Variants in ACER3 observed in about 807,000 individuals in gnomAD.
ACER3 encodes alkaline ceramidase 3.
Under a neutral mutation model 48.9 loss-of-function variants are expected in ACER3, and 16 were observed. The ratio of observed to expected loss-of-function variants is 0.33; its 90% CI spans 0.22 to 0.50. The LOEUF (loss-of-function observed/expected upper bound fraction) is 0.50, where lower values mean the gene tolerates loss of function less well. Among genes scored for constraint, ACER3 ranks in the 20% least tolerant of loss-of-function variants. The pLI is 0.98. For synonymous variants in ACER3, 109 were observed against 107.8 expected (o/e 1.01, Z -0.07); for missense variants, 227 against 326.0 (o/e 0.70, Z 2.34).
rs376143519 is a variant in ACER3, at chr11:76,985,639, C to G, written c.321-4C>G. The G allele has an allele frequency of 3.5e-4, 543 of 1,548,128 alleles. 3 individuals are homozygous for G. In the South Asian group the frequency reaches 5.7e-3, roughly 16 times the overall value. On this transcript the variant is annotated splice_polypyrimidine_tract_variant and splice_region_variant and intron_variant, in intron 4 of 10. Transcript: ENST00000532485. ...TAAAAGTTTCTTTCTCTCTTTTTTTCAAGGTTTGAATGTTTCAAGATCAAG... is the reference window on the plus strand; with the variant it reads ...TAAAAGTTTCTTTCTCTCTTTTTTTGAAGGTTTGAATGTTTCAAGATCAAG...
intron 7 of ACER3, among the ~76,000 whole-genome samples, chr11:77,009,210 C>T (rs1489130031): frequency 2.6e-5 from 4 of 152,220 alleles, no homozygotes; most frequent in South Asian, 2.1e-4. Flanking sequence ...ATCTGCTTGG[C>T]TTCTGGGGAG....
At chr11:76,984,805 C>T (rs1209310879) in intron 4 of ACER3, among the ~76,000 whole-genome samples, 4 of 152,140 alleles carry the variant, frequency 2.6e-5, no homozygotes, top group Non-Finnish European at 5.9e-5. Flanking sequence ...TTCAAGCTAG[C>T]TTGAATTAGG....
chr11:76,987,948 C>CA (rs974894877), intron 5 of ACER3, among the ~76,000 whole-genome samples: 5 of 152,062 alleles, frequency 3.3e-5, no homozygotes, highest in Admixed American at 2.6e-4. Context: ...TCAAAACAAA[C>CA]AAAGACTAAA....
At chr11:76,995,418 C>T (rs1184082671) in intron 6 of ACER3, among the ~76,000 whole-genome samples, 1 of 152,192 alleles carries the variant, frequency 6.6e-6, no homozygotes, top group Non-Finnish European at 1.5e-5. Flanking sequence ...CCATCCTTCT[C>T]TGTGTTATCC....
chr11:76,898,409 A>G (rs1945989464), intron 1 of ACER3, among the ~76,000 whole-genome samples: 1 of 152,118 alleles, frequency 6.6e-6, no homozygotes, highest in African/African-American at 2.4e-5. Flanking sequence ...GTCTTGCTGT[A>G]TTGCCCAGGC....
At chr11:76,947,816 G>A (rs1368061558) in intron 2 of ACER3, among the ~76,000 whole-genome samples, 2 of 152,160 alleles carry the variant, frequency 1.3e-5, no homozygotes, top group Admixed American at 6.5e-5. Flanking sequence ...CAGTACTTGT[G>A]CATATGGAAG....
chr11:76,913,493 A>G (rs1946437628), intron 1 of ACER3, among the ~76,000 whole-genome samples: 4 of 152,064 alleles, frequency 2.6e-5, no homozygotes, highest in Admixed American at 2.6e-4. Context: ...TCAGTATGAT[A>G]TTGGCTGTGG....
intron 1 of ACER3, among the ~76,000 whole-genome samples, chr11:76,871,472 G>T (rs1945238271): frequency 6.6e-6 from 1 of 152,144 alleles, no homozygotes; most frequent in South Asian, 2.1e-4. Context: ...GTGAGTAGGG[G>T]GCTACAGCTT....
Position 77,026,204 on chromosome 11 carries a change from T to A in ACER3, c.*5877T>A, listed in dbSNP as rs1267420656. ...GATCTTTTGACCATTTTTTCTCATG[T>A]CATATAAAATGTGCCACATGGTAGT... On this transcript the variant is annotated 3_prime_UTR_variant, in exon 11 of 11. Transcript: ENST00000532485. 6.6e-6 allele frequency: 1 copy of A among 152,242 alleles called. No homozygotes were observed. Among genetic ancestry groups the A allele is most frequent in the East Asian group, 1.9e-4 (1 of 5,204 alleles). 9.4% of individuals were successfully genotyped at this position (152,242 alleles called of 1,614,324 possible).
chr11:76,968,363 C>T (rs190623445), intron 3 of ACER3, among the ~76,000 whole-genome samples: 13 of 152,234 alleles, frequency 8.5e-5, no homozygotes, highest in Admixed American at 7.2e-4. Context: ...AATGGCCATA[C>T]TGCCCAAGGT....
At chr11:76,941,813 C>T (rs76869208) in intron 2 of ACER3, among the ~76,000 whole-genome samples, 1,578 of 152,040 alleles carry the variant, frequency 0.01, 10 homozygotes, top group Non-Finnish European at 0.015. Flanking sequence ...TTGTTTGTGT[C>T]CTCTACAATT....
At chr11:76,863,667 A>G (rs7942646) in intron 1 of ACER3, among the ~76,000 whole-genome samples, 86,913 of 152,132 alleles carry the variant, frequency 0.57, 28,269 homozygotes, top group Non-Finnish European at 0.74. Flanking sequence ...ATTGATGGTA[A>G]TATTAAGGAT....
At position 76,979,053 on chromosome 11, in the gene ACER3, A is replaced by G. The variant is rs188517554; in HGVS notation, c.320+2712A>G. On this transcript the variant is annotated intron_variant, in intron 4 of 10. Coordinates refer to ENST00000532485, the MANE Select transcript of ACER3 (RefSeq NM_018367.7). ...GCATGGGATCCAGGCTGGTAGCATG[A>G]GCCAAGTGCAGCCTGCCAGGCCGAG... 3.3e-5 allele frequency among the ~76,000 whole-genome samples: 5 copies of G among 152,324 alleles called. No homozygotes were observed. The East Asian group carries it at 9.7e-4, about 29-fold the overall frequency.
At position 77,015,136 on chromosome 11, in the gene ACER3, C is replaced by T; in HGVS notation, c.599+19C>T. 1 of 1,314,786 alleles carries T rather than the reference C, an allele frequency of 7.6e-7. No homozygotes were observed. Among genetic ancestry groups the T allele is most frequent in the South Asian group, 1.2e-5 (1 of 81,102 alleles). The allele number at this position is 1,314,786 out of a possible 1,614,324, so 81.4% of individuals were successfully genotyped here. On this transcript the variant is annotated intron_variant, in intron 8 of 10. Coordinates refer to ENST00000532485, the MANE Select transcript of ACER3 (RefSeq NM_018367.7). Reference sequence around the variant, plus strand: ...CACTGAGGTAAGATATATTTTCATTCCTTCAGAAATATTTTTGGAAGCATT... The same window carrying T: ...CACTGAGGTAAGATATATTTTCATTTCTTCAGAAATATTTTTGGAAGCATT...
chr11:76,924,573 CTGGATCTG>C (rs781278593), intron 1 of ACER3, among the ~76,000 whole-genome samples: 180 of 151,980 alleles, frequency 1.2e-3, no homozygotes, highest in Non-Finnish European at 2.0e-3. Context: ...AGTCCTATTT[CTGGATCTG>C]TAAATTTAAG....
intron 3 of ACER3, among the ~76,000 whole-genome samples, chr11:76,970,671 AG>A (rs1252599684): frequency 6.6e-6 from 1 of 152,168 alleles, no homozygotes; most frequent in Non-Finnish European, 1.5e-5. Flanking sequence ...GTGGATATGT[AG>A]GTGAGTTTTT....
intron 1 of ACER3, among the ~76,000 whole-genome samples, chr11:76,904,573 C>T (rs1444409354): frequency 6.6e-6 from 1 of 152,108 alleles, no homozygotes; most frequent in African/African-American, 2.4e-5. Context: ...CCCAGGACCT[C>T]GTGAGGCTGT....
chr11:76,979,644 C>A lies in ACER3; in HGVS notation c.320+3303C>A, dbSNP rs578030373. On this transcript the variant is annotated intron_variant, in intron 4 of 10. Transcript: ENST00000532485. ...CTCCAGCCTGGGTGACAGAGTGAGA[C>A]CCTGTCCCCCCCAGAAAAAAAGATA... 5.3e-5 allele frequency among the ~76,000 whole-genome samples: 8 copies of A among 151,948 alleles called. No homozygotes were observed. The East Asian group carries it at 1.6e-3, about 30-fold the overall frequency.
chr11:76,861,386 G>GA (rs1944935327), intron 1 of ACER3, among the ~76,000 whole-genome samples: 1 of 152,024 alleles, frequency 6.6e-6, no homozygotes, highest in Non-Finnish European at 1.5e-5. Context: ...GCCGGGTTGG[G>GA]AATGGGAATT....
Sources: gnomAD v4.1 joint callset for allele counts (sites outside exome capture counted in the v4.1 genomes callset) on GRCh38, gnomAD v4.1.1 for gene constraint, MANE v1.5 for transcripts, NCBI Gene and HGNC (gene_info 2026-07-23, HGNC 2026-07-21) for gene names.